TENM2: variants seen among roughly 807,000 people sequenced by gnomAD.
TENM2 encodes the protein teneurin-2.
Under a neutral mutation model 245.2 loss-of-function variants are expected in TENM2, and 52 were observed. That is an observed-to-expected ratio of 0.21 (90% confidence interval 0.17 to 0.27). The LOEUF (loss-of-function observed/expected upper bound fraction) is 0.27. Ranked by LOEUF, TENM2 falls within the 10% of genes least tolerant of loss-of-function variation. TENM2 has a pLI of 1.00. For synonymous variants in TENM2, 1,363 were observed against 1,438.9 expected (o/e 0.95, Z 1.19); for missense variants, 3,046 against 3,666.8 (o/e 0.83, Z 4.37).
intron 24 of TENM2, 32 bp downstream of exon 26, chr5:168,226,295 A>AACTC: frequency 6.3e-7 from 1 of 1,598,562 alleles, no homozygotes; most frequent in Non-Finnish European, 8.5e-7. Flanking sequence ...CCTACCCCCA[A>AACTC]ACTCACCCAT....
chr5:168,174,202 G>A (rs552504761), intron 13 of TENM2, among the ~76,000 whole-genome samples: 17 of 152,290 alleles, frequency 1.1e-4, no homozygotes, highest in African/African-American at 2.4e-4. Flanking sequence ...AGAAGCAGGC[G>A]TGGCCTTTTG....
At chr5:167,444,086 A>T (rs1004829293) in intron 2 of TENM2, among the ~76,000 whole-genome samples, 9 of 152,184 alleles carry the variant, frequency 5.9e-5, no homozygotes, top group Non-Finnish European at 1.2e-4. Context: ...ATGGTGGTAG[A>T]TAAGTAAGAT....
chr5:167,515,650 C>CATATATATACATATATATGTATATATAT (rs1392688070), intron 2 of TENM2, among the ~76,000 whole-genome samples: 1 of 128,046 alleles, frequency 7.8e-6, no homozygotes, highest in African/African-American at 3.0e-5. Context: ...TATATATATA[C>CATATATATACATATATATGTATATATAT]ACATATATAC....
chr5:167,088,632 A>G, the TENM2 span, among the ~76,000 whole-genome samples: 3 of 140,818 alleles, frequency 2.1e-5, no homozygotes, highest in Non-Finnish European at 4.9e-5. Flanking sequence ...CATCTTTTAA[A>G]AAAACAAAAG....
At position 168,117,614 on chromosome 5, in the gene TENM2, A is replaced by G. The variant is rs574088920; in HGVS notation, c.1814-678A>G. Among the ~76,000 whole-genome samples the G allele has an allele frequency of 9.2e-5, 14 of 152,358 alleles. No individual in the cohort carries two copies. In the South Asian group the frequency reaches 2.1e-3, roughly 23 times the overall value. The stretch of plus-strand genomic sequence containing the variant: ...GTACCATATTCACCTATTTTCAGAC[A>G]GCAGTTGACCATGGGTAACTGAAAC... On this transcript the variant is annotated intron_variant, in intron 9 of 28. Coordinates refer to ENST00000518659, the Ensembl canonical transcript of TENM2.
chr5:168,012,573 A>G (rs1785303165), intron 5 of TENM2, among the ~76,000 whole-genome samples: 1 of 150,392 alleles, frequency 6.6e-6, no homozygotes, highest in Non-Finnish European at 1.5e-5. Flanking sequence ...GCTTGAGCCC[A>G]GGAGGTTGAT....
intron 13 of TENM2, among the ~76,000 whole-genome samples, chr5:168,189,950 G>A (rs1240486678): frequency 3.3e-5 from 5 of 152,012 alleles, no homozygotes; most frequent in Non-Finnish European, 5.9e-5. Flanking sequence ...CCATTAGCAC[G>A]GACCCCTGGG....
At chr5:167,658,934 C>G (rs1252612179) in intron 2 of TENM2, among the ~76,000 whole-genome samples, 1 of 152,166 alleles carries the variant, frequency 6.6e-6, no homozygotes, top group East Asian at 1.9e-4. Flanking sequence ...ATATACATTT[C>G]CCTTAATTGT....
At chr5:167,456,140 ACT>A (rs1171862447) in intron 2 of TENM2, among the ~76,000 whole-genome samples, 2 of 152,004 alleles carry the variant, frequency 1.3e-5, no homozygotes, top group Non-Finnish European at 2.9e-5. Flanking sequence ...TTGGTTAATG[ACT>A]CTAAAAAATC....
intron 2 of TENM2, among the ~76,000 whole-genome samples, chr5:167,384,687 C>T (rs184453871): frequency 3.4e-4 from 43 of 127,314 alleles, no homozygotes; most frequent in South Asian, 9.8e-4. Flanking sequence ...ACAGATACAG[C>T]GCGTGCACAC....
At chr5:167,375,864 A>G (rs1434155696) in intron 2 of TENM2, among the ~76,000 whole-genome samples, 1 of 151,918 alleles carries the variant, frequency 6.6e-6, no homozygotes, top group Non-Finnish European at 1.5e-5. Flanking sequence ...TTTTTTCGTG[A>G]CGATCTCTTA....
At chr5:167,789,635 G>A (rs973061633) in intron 2 of TENM2, among the ~76,000 whole-genome samples, 3 of 152,156 alleles carry the variant, frequency 2.0e-5, no homozygotes, top group Admixed American at 1.3e-4. Flanking sequence ...TGCTTTGATC[G>A]TGTTGTTTAG....
intron 3 of TENM2, among the ~76,000 whole-genome samples, chr5:167,897,156 G>C (rs545613739): frequency 1.3e-5 from 2 of 152,286 alleles, no homozygotes; most frequent in East Asian, 3.9e-4. Context: ...ATATGAGTAA[G>C]GGCTGACTGA....
intron 2 of TENM2, among the ~76,000 whole-genome samples, chr5:167,514,446 G>A (rs554177951): frequency 1.3e-5 from 2 of 152,152 alleles, no homozygotes; most frequent in Non-Finnish European, 2.9e-5. Flanking sequence ...CCTAGTAACC[G>A]TGTTCATCCC....
chr5:167,581,633 C>T (rs1301037948), intron 2 of TENM2, among the ~76,000 whole-genome samples: 5 of 152,158 alleles, frequency 3.3e-5, no homozygotes, highest in East Asian at 1.9e-4. Flanking sequence ...TATGTATGTG[C>T]ATATATCTTT....
chr5:167,760,466 C>A (rs779920676), intron 2 of TENM2, among the ~76,000 whole-genome samples: 18 of 152,112 alleles, frequency 1.2e-4, no homozygotes, highest in Non-Finnish European at 2.4e-4. Flanking sequence ...TGCAGGCAAT[C>A]GAGGCTTCTC....
rs150122037 is a variant in TENM2 at position 168,169,102 on chromosome 5, T to C, written c.2569+6345T>C. On this transcript the variant is annotated intron_variant, in intron 13 of 28. Transcript: ENST00000518659. Reference sequence around the variant, plus strand: ...ATCTTATTAGACGGCAATAGTTCAGTGGGAGCATAGCAAAGGGACTGTCAC... The same window carrying C: ...ATCTTATTAGACGGCAATAGTTCAGCGGGAGCATAGCAAAGGGACTGTCAC... Among the ~76,000 whole-genome samples, 598 of 152,182 alleles carry C rather than the reference T, an allele frequency of 3.9e-3. 5 individuals carry two copies. Among genetic ancestry groups the C allele is most frequent in the African/African-American group, 0.014 (564 of 41,508 alleles).
intron 15 of TENM2, among the ~76,000 whole-genome samples, chr5:168,195,574 G>A (rs1320411669): frequency 2.0e-4 from 25 of 126,470 alleles, no homozygotes; most frequent in Non-Finnish European, 3.7e-4. Flanking sequence ...GTGTGTGTGT[G>A]TGTGTGTGTG....
At chr5:167,065,901 A>G in the TENM2 span, among the ~76,000 whole-genome samples, 1 of 152,146 alleles carries the variant, frequency 6.6e-6, no homozygotes, top group Admixed American at 6.5e-5. Context: ...TTGTAGTTGT[A>G]CTGTATCGCT....
Sources: gnomAD v4.1 joint callset for allele counts (sites outside exome capture counted in the v4.1 genomes callset) on GRCh38, gnomAD v4.1.1 for gene constraint, MANE v1.5 for transcripts, NCBI Gene and HGNC (gene_info 2026-07-23, HGNC 2026-07-21) for gene names.